The following DLGAP2 variants were observed in gnomAD, a reference collection of about 807,000 sequenced individuals.
The protein encoded by DLGAP2 is disks large-associated protein 2.
A neutral mutation model predicts 100.3 loss-of-function variants in DLGAP2; 26 were observed. That is an observed-to-expected ratio of 0.26 (90% confidence interval 0.19 to 0.36). The LOEUF (loss-of-function observed/expected upper bound fraction) is 0.36, where lower values mean the gene tolerates loss of function less well. DLGAP2 is among the 10% of genes least tolerant of loss of function. DLGAP2 has a pLI of 1.00. For missense variants in DLGAP2, 1,858 were observed against 1,453.2 expected, an observed-to-expected ratio of 1.28 and a Z score of -4.53; for synonymous variants, 886 against 630.1, an observed-to-expected ratio of 1.41 and a Z score of -6.08.
intron 2 of DLGAP2, among the ~76,000 whole-genome samples, chr8:994,261 C>T (rs534456555): frequency 1.1e-4 from 16 of 152,206 alleles, no homozygotes; most frequent in South Asian, 2.1e-4. Flanking sequence ...AGTGCAGTGG[C>T]GCGATCTCGG....
chr8:1,704,213 A>T lies in DLGAP2; in HGVS notation c.*2807A>T, dbSNP rs1347479265. On this transcript the variant is annotated 3_prime_UTR_variant, in exon 15 of 15. Coordinates refer to ENST00000637795, the MANE Select transcript of DLGAP2 (RefSeq NM_001346810.2). ...TCGTCATATTTAAAATATAACTTCA[A>T]GAAAAGAGTAAACATCCATTGGAGA... The T allele has an allele frequency of 1.3e-5, 2 of 152,470 alleles. No homozygotes were observed. The highest frequency in any genetic ancestry group is 2.9e-5 in the Non-Finnish European group (2 of 68,052). 9.4% of individuals were successfully genotyped at this position (152,470 alleles called of 1,614,324 possible).
intron 8 of DLGAP2, among the ~76,000 whole-genome samples, chr8:1,654,902 G>T (rs373920486): frequency 1.3e-5 from 2 of 152,050 alleles, no homozygotes; most frequent in African/African-American, 4.8e-5. Context: ...TGACTCTTCC[G>T]TTCACTAAAC....
chr8:1,319,091 C>T (rs1016806494), intron 3 of DLGAP2, among the ~76,000 whole-genome samples: 18 of 152,132 alleles, frequency 1.2e-4, no homozygotes, highest in East Asian at 7.8e-4. Context: ...GCGGGATTAG[C>T]GGCCTCTGAG....
At chr8:778,605 C>A (rs1426805247) in intron 1 of DLGAP2, among the ~76,000 whole-genome samples, 1 of 151,530 alleles carries the variant, frequency 6.6e-6, no homozygotes, top group African/African-American at 2.4e-5. Flanking sequence ...GTACCCTGCC[C>A]TGTGTCAGTG....
intron 3 of DLGAP2, among the ~76,000 whole-genome samples, chr8:1,407,491 T>G (rs113688989): frequency 4.1e-5 from 6 of 145,354 alleles, no homozygotes; most frequent in Non-Finnish European, 9.0e-5. Context: ...GTGTATTGAG[T>G]GCTTACTGAG....
chr8:1,376,441 C>T (rs1254386685), intron 3 of DLGAP2, among the ~76,000 whole-genome samples: 1 of 152,238 alleles, frequency 6.6e-6, no homozygotes, highest in Non-Finnish European at 1.5e-5. Flanking sequence ...CTGCTGGTGG[C>T]AGTGAATCAG....
intron 2 of DLGAP2, among the ~76,000 whole-genome samples, chr8:1,121,694 C>T (rs1383423448): frequency 1.2e-5 from 1 of 84,072 alleles, no homozygotes; most frequent in Non-Finnish European, 3.6e-5. Context: ...CTCATCTTTC[C>T]TGAACCCATG....
chr8:1,200,238 T>A (rs1797841420), intron 2 of DLGAP2, among the ~76,000 whole-genome samples: 1 of 152,206 alleles, frequency 6.6e-6, no homozygotes, highest in African/African-American at 2.4e-5. Flanking sequence ...TCGTGTCTTT[T>A]CCTCACTGCC....
chr8:1,182,050 C>G (rs112443148), intron 2 of DLGAP2, among the ~76,000 whole-genome samples: 1 of 152,192 alleles, frequency 6.6e-6, no homozygotes, highest in Non-Finnish European at 1.5e-5. Context: ...TGCTGCAGTG[C>G]GTAAGAGCCA....
rs567358804 is a variant in DLGAP2 at position 1,648,817 on chromosome 8, A to T, written c.1810+15771A>T. Among the ~76,000 whole-genome samples, 17 of 152,324 alleles carry T rather than the reference A, an allele frequency of 1.1e-4. No individual in the cohort carries two copies. The East Asian group carries it at 2.9e-3, about 26-fold the overall frequency. Reference sequence around the variant, plus strand: ...GTGAAAGTCATGGTGATCTTTGCCAATGGAGAGGATATCGTGGGGTTGGCT... The same window carrying T: ...GTGAAAGTCATGGTGATCTTTGCCATTGGAGAGGATATCGTGGGGTTGGCT... On this transcript the variant is annotated intron_variant, in intron 8 of 14. Transcript: ENST00000637795.
chr8:1,290,582 C>T (rs1800035889), intron 3 of DLGAP2, among the ~76,000 whole-genome samples: 1 of 152,212 alleles, frequency 6.6e-6, no homozygotes, highest in African/African-American at 2.4e-5. Flanking sequence ...AACAAGTGCT[C>T]CCATGGGGAG....
In DLGAP2 at chr8:1,689,878, G is replaced by A. The variant is rs115506553; in HGVS notation, c.2705-1657G>A. On this transcript the variant is annotated intron_variant, in intron 12 of 14. Coordinates refer to ENST00000637795, the MANE Select transcript of DLGAP2 (RefSeq NM_001346810.2). ...AAAGCCACATACGTGTACTGGGCACGCTCTATGGAAGAACGGTGAATTGTT... is the reference window on the plus strand; with the variant it reads ...AAAGCCACATACGTGTACTGGGCACACTCTATGGAAGAACGGTGAATTGTT... Among the ~76,000 whole-genome samples, 1,116 of 152,314 alleles carry A rather than the reference G, an allele frequency of 7.3e-3. 15 individuals are homozygous for A. Among genetic ancestry groups the A allele is most frequent in the African/African-American group, 0.025 (1,030 of 41,584 alleles).
chr8:1,017,886 C>G (rs1191568428), intron 2 of DLGAP2, among the ~76,000 whole-genome samples: 1 of 152,240 alleles, frequency 6.6e-6, no homozygotes, highest in African/African-American at 2.4e-5. Flanking sequence ...CATCCTGCCA[C>G]TGAGTTTGCA....
At chr8:1,381,781 TA>T (rs1796100181) in intron 3 of DLGAP2, among the ~76,000 whole-genome samples, 4 of 88,260 alleles carry the variant, frequency 4.5e-5, no homozygotes, top group South Asian at 8.0e-4. Flanking sequence ...AGGGTTATTC[TA>T]GTGTGTGTGT....
At chr8:959,424 T>G (rs1298692834) in intron 2 of DLGAP2, among the ~76,000 whole-genome samples, 1 of 152,226 alleles carries the variant, frequency 6.6e-6, no homozygotes, top group Non-Finnish European at 1.5e-5. Context: ...AGTCACGATT[T>G]TCCCACAGCC....
At chr8:1,117,493 TG>T (rs1321023659) in intron 2 of DLGAP2, among the ~76,000 whole-genome samples, 8 of 151,772 alleles carry the variant, frequency 5.3e-5, no homozygotes, top group African/African-American at 1.2e-4. Flanking sequence ...GAGGGTGGGG[TG>T]GACGCTGTGT....
At chr8:949,686 C>T (rs1293398215) in intron 2 of DLGAP2, among the ~76,000 whole-genome samples, 1 of 152,200 alleles carries the variant, frequency 6.6e-6, no homozygotes. Flanking sequence ...TCCCACCCCC[C>T]TTGCAGTGTC....
intron 2 of DLGAP2, among the ~76,000 whole-genome samples, chr8:1,182,420 AT>A (rs1268076472): frequency 6.6e-6 from 1 of 152,218 alleles, no homozygotes; most frequent in African/African-American, 2.4e-5. Context: ...CTGAGCGTGC[AT>A]TTAATGCTCA....
intron 2 of DLGAP2, among the ~76,000 whole-genome samples, chr8:1,006,410 C>T (rs1485001176): frequency 2.0e-5 from 3 of 148,650 alleles, no homozygotes; most frequent in South Asian, 2.2e-4. Context: ...TCTGAAGTCT[C>T]GGGATGTGGT....
Sources: gnomAD v4.1 joint callset for allele counts (sites outside exome capture counted in the v4.1 genomes callset) on GRCh38, gnomAD v4.1.1 for gene constraint, MANE v1.5 for transcripts, NCBI Gene and HGNC (gene_info 2026-07-23, HGNC 2026-07-21) for gene names.